The following RANBP2 variants were observed in gnomAD, a reference collection of about 807,000 sequenced individuals.
RANBP2 encodes E3 SUMO-protein ligase RanBP2.
A neutral mutation model predicts 303.6 loss-of-function variants in RANBP2; 57 were observed. The ratio of observed to expected loss-of-function variants is 0.19; its 90% CI spans 0.15 to 0.23. The LOEUF (loss-of-function observed/expected upper bound fraction) is 0.23. Ranked by LOEUF, RANBP2 falls within the 10% of genes least tolerant of loss-of-function variation. RANBP2 has a pLI of 1.00. For missense variants in RANBP2, 3,138 were observed against 3,780.8 expected (o/e 0.83, Z 4.46); for synonymous variants, 1,167 against 1,301.5 (o/e 0.90, Z 2.23).
the RANBP2 span, among the ~76,000 whole-genome samples, chr2:109,391,974 C>T: frequency 2.6e-5 from 4 of 152,116 alleles, no homozygotes; most frequent in Non-Finnish European, 4.4e-5. Flanking sequence ...CATGCCACCA[C>T]GCCCAGCTAA....
chr2:109,499,372 C>CCCTG, the RANBP2 span, among the ~76,000 whole-genome samples: 1 of 152,200 alleles, frequency 6.6e-6, no homozygotes, highest in African/African-American at 2.4e-5. Context: ...AATAGCTGCA[C>CCCTG]CCTGCCTGCC....
At chr2:109,704,621 A>G in the RANBP2 span, among the ~76,000 whole-genome samples, 7 of 152,072 alleles carry the variant, frequency 4.6e-5, no homozygotes, top group African/African-American at 1.2e-4. Context: ...AGGCCGAGGC[A>G]GGTGGATCAC....
chr2:108,993,119 C>T, the RANBP2 span, among the ~76,000 whole-genome samples: 1 of 152,172 alleles, frequency 6.6e-6, no homozygotes, highest in Non-Finnish European at 1.5e-5. Context: ...CGGCGGACAC[C>T]AGCAAGCTGA....
At chr2:109,500,980 G>A in the RANBP2 span, among the ~76,000 whole-genome samples, 1 of 152,166 alleles carries the variant, frequency 6.6e-6, no homozygotes, top group African/African-American at 2.4e-5. Flanking sequence ...CATAAACAAT[G>A]TTCCAAGTAC....
chr2:109,228,170 G>C, the RANBP2 span, among the ~76,000 whole-genome samples: 1 of 151,998 alleles, frequency 6.6e-6, no homozygotes, highest in Non-Finnish European at 1.5e-5. Context: ...TGGCAAACAT[G>C]GTGCTACTTG....
the RANBP2 span, among the ~76,000 whole-genome samples, chr2:109,349,234 C>G: frequency 6.6e-6 from 1 of 152,196 alleles, no homozygotes; most frequent in South Asian, 2.1e-4. Flanking sequence ...TTGGCATGTC[C>G]TGCGTACAGC....
the RANBP2 span, among the ~76,000 whole-genome samples, chr2:109,083,170 G>A: frequency 1.5e-4 from 23 of 152,188 alleles, no homozygotes; most frequent in African/African-American, 5.5e-4. Context: ...ACCATTTTAA[G>A]CATACAGGTC....
downstream of RANBP2, among the ~76,000 whole-genome samples, chr2:108,786,269 T>TTA (rs3087068): frequency 6.7e-6 from 1 of 150,332 alleles, no homozygotes; most frequent in Non-Finnish European, 1.5e-5. Context: ...TTTTTTTTTT[T>TTA]AACTTTAAGA....
At chr2:109,558,350 C>T in the RANBP2 span, among the ~76,000 whole-genome samples, 308 of 152,160 alleles carry the variant, frequency 2.0e-3, 2 homozygotes, top group African/African-American at 7.2e-3. Flanking sequence ...ACTAAAATTA[C>T]GTCAAATACT....
At chr2:109,619,527 A>G in the RANBP2 span, among the ~76,000 whole-genome samples, 1 of 152,186 alleles carries the variant, frequency 6.6e-6, no homozygotes. Flanking sequence ...TGAATGGCAA[A>G]GGGATGTGGT....
chr2:109,582,075 G>GACACACAC, the RANBP2 span, among the ~76,000 whole-genome samples: 383 of 143,870 alleles, frequency 2.7e-3, 1 homozygote, highest in African/African-American at 8.9e-3. Flanking sequence ...ATGTACAACA[G>GACACACAC]ACACACACAC....
chr2:108,860,935 C>CTTTTTTGT, the RANBP2 span, among the ~76,000 whole-genome samples: 1 of 37,914 alleles, frequency 2.6e-5, no homozygotes, highest in Admixed American at 5.0e-4. Context: ...TGGTCCAGGA[C>CTTTTTTGT]TTTTTTTTTT....
At chr2:109,144,093 A>G in the RANBP2 span, among the ~76,000 whole-genome samples, 1 of 152,242 alleles carries the variant, frequency 6.6e-6, no homozygotes, top group Non-Finnish European at 1.5e-5. Flanking sequence ...ACTTTCAGTT[A>G]TAAGATGAAT....
At chr2:109,616,107 T>C in the RANBP2 span, 59 of 1,451,812 alleles carry the variant, frequency 4.1e-5, 1 homozygote, top group Non-Finnish European at 3.6e-6. Flanking sequence ...TTATTTGTCT[T>C]AATAAATTGA....
At chr2:108,874,750 G>C in the RANBP2 span, among the ~76,000 whole-genome samples, 1 of 152,090 alleles carries the variant, frequency 6.6e-6, no homozygotes, top group Non-Finnish European at 1.5e-5. Flanking sequence ...GACTGACCAA[G>C]TTACTAGCGC....
At chr2:108,761,099 G>A (rs1258772962) in intron 18 of RANBP2, among the ~76,000 whole-genome samples, 2 of 149,250 alleles carry the variant, frequency 1.3e-5, no homozygotes, top group Non-Finnish European at 3.0e-5. Flanking sequence ...TTAAACTTCA[G>A]ACTAAGATTT....
At chr2:109,680,452 GA>G in the RANBP2 span, among the ~76,000 whole-genome samples, 1 of 151,820 alleles carries the variant, frequency 6.6e-6, no homozygotes, top group Non-Finnish European at 1.5e-5. Context: ...TAATGAGAGG[GA>G]AAAAATAATT....
At chr2:108,990,066 CG>C in the RANBP2 span, among the ~76,000 whole-genome samples, 1 of 152,130 alleles carries the variant, frequency 6.6e-6, no homozygotes, top group African/African-American at 2.4e-5. Context: ...GAGGCTGAGG[CG>C]GGCAGATCAC....
At chr2:108,919,351 C>T in the RANBP2 span, among the ~76,000 whole-genome samples, 178 of 152,128 alleles carry the variant, frequency 1.2e-3, 1 homozygote, top group Non-Finnish European at 1.9e-3. Flanking sequence ...ACCCTCTGAC[C>T]GCTTTTTATT....
Sources: allele counts gnomAD v4.1 joint callset (sites outside exome capture counted in the v4.1 genomes callset), GRCh38; gene constraint gnomAD v4.1.1; transcripts MANE v1.5; gene names NCBI Gene and HGNC (gene_info 2026-07-23, HGNC 2026-07-21).